Variants in CLCN1 observed in about 807,000 individuals in gnomAD.
The protein encoded by CLCN1 is chloride voltage-gated channel 1.
CLCN1 carries 100 observed loss-of-function variants against 114.5 expected under a neutral mutation model. That is an observed-to-expected ratio of 0.87 (90% CI 0.74 to 1.03). The LOEUF (loss-of-function observed/expected upper bound fraction) is 1.03. Ranked by LOEUF, CLCN1 falls within the 50% of genes least tolerant of loss-of-function variation. The pLI is 0.00. For synonymous variants in CLCN1, 485 were observed against 487.1 expected, an observed-to-expected ratio of 1.00 and a Z score of 0.06; for missense variants, 1,188 against 1,250.0, an observed-to-expected ratio of 0.95 and a Z score of 0.75.
At chr7:143,327,595 A>G (rs1420460025) in intron 7 of CLCN1, among the ~76,000 whole-genome samples, 1 of 152,218 alleles carries the variant, frequency 6.6e-6, no homozygotes, top group Non-Finnish European at 1.5e-5. Flanking sequence ...TGCACTGGAC[A>G]GAGGCAGAAG....
At chr7:143,326,284 T>G (rs1802573849) in intron 7 of CLCN1, among the ~76,000 whole-genome samples, 1 of 104,296 alleles carries the variant, frequency 9.6e-6, no homozygotes, top group African/African-American at 7.6e-5. Context: ...TATTACTTGA[T>G]TTTTAAAAAA....
intron 6 of CLCN1, 104 bp downstream of exon 6, chr7:143,323,490 T>G (rs1033509527): frequency 2.4e-6 from 2 of 844,902 alleles, no homozygotes; most frequent in Non-Finnish European, 4.2e-6. Flanking sequence ...CTGGCTGTGG[T>G]GCTGAAGCAG....
intron 5 of CLCN1, among the ~76,000 whole-genome samples, chr7:143,322,354 C>T (rs892101813): frequency 2.6e-5 from 4 of 152,156 alleles, no homozygotes; most frequent in Non-Finnish European, 4.4e-5. Flanking sequence ...CAAGGTTGCT[C>T]GGTGGGTTGC....
At chr7:143,323,598 C>T (rs1008040815) in intron 6 of CLCN1, 2 of 684,790 alleles carry the variant, frequency 2.9e-6, no homozygotes, top group African/African-American at 1.8e-5. Context: ...CAAATGTCCA[C>T]CCCTCTTTCA....
intron 2 of CLCN1, among the ~76,000 whole-genome samples, chr7:143,320,430 A>T (rs557813932): frequency 2.6e-5 from 4 of 152,278 alleles, no homozygotes; most frequent in Non-Finnish European, 5.9e-5. Flanking sequence ...GGGCCGGAGC[A>T]GCAATCAGCA....
rs773063904 is a variant in CLCN1, at chr7:143,339,236, G to A, written c.1402-17G>A. 9 of 1,560,894 alleles carry A rather than the reference G, an allele frequency of 5.8e-6. No individual in the cohort carries two copies. The highest frequency in any genetic ancestry group is 2.7e-5 in the African/African-American group (2 of 73,468). ...GGCAGAGTTGAAAGGGTATTCCAACGCTTCTTTCTACTCCAGTTCTGGATG... is the reference window on the plus strand; with the variant it reads ...GGCAGAGTTGAAAGGGTATTCCAACACTTCTTTCTACTCCAGTTCTGGATG... On this transcript the variant is annotated splice_polypyrimidine_tract_variant and intron_variant, in intron 12 of 22. Transcript: ENST00000343257. The surrounding 1 kb of genome is among the most constrained non-coding windows in gnomAD (Gnocchi z 4.1).
At chr7:143,331,483 A>G in intron 9 of CLCN1, 68 bp from the exon 10 acceptor site, 1 of 1,221,694 alleles carries the variant, frequency 8.2e-7, no homozygotes, top group Non-Finnish European at 1.2e-6. Context: ...GTTTCCCTGC[A>G]GTAGTTATGT....
chr7:143,328,003 A>T (rs1217341112), intron 7 of CLCN1, among the ~76,000 whole-genome samples: 1 of 152,172 alleles, frequency 6.6e-6, no homozygotes, highest in Non-Finnish European at 1.5e-5. Context: ...GATCTAGGCT[A>T]ACACCCAGAT....
At chr7:143,322,287 C>T (rs1586486570) in intron 5 of CLCN1, among the ~76,000 whole-genome samples, 2 of 152,118 alleles carry the variant, frequency 1.3e-5, no homozygotes, top group African/African-American at 4.8e-5. Flanking sequence ...TCATCCAGAC[C>T]AATTCTCTTG....
At position 143,339,690 on chromosome 7, in the gene CLCN1, C is replaced by A; in HGVS notation, c.1582+69C>A. On this transcript the variant is annotated intron_variant, in intron 14 of 22. Transcript: ENST00000343257. This position sits in a 1 kb window ranked among gnomAD's most constrained non-coding sequence, Gnocchi z 4.1. ...TCAGATCCCCACACTTAAACTCTCC[C>A]ATTGGATCTTCATTCTAGGCTACAC... 3.1e-6 allele frequency: 3 copies of A among 952,758 alleles called. No individual in the cohort carries two copies. Among genetic ancestry groups the A allele is most frequent in the Non-Finnish European group, 5.2e-6 (3 of 580,014 alleles). The allele number at this position is 952,758 out of a possible 1,614,324, so 59.0% of individuals were successfully genotyped here. A position where few individuals can be genotyped will look rare whatever the true frequency, so the allele number is the denominator to read the frequency against.
Position 143,332,982 on chromosome 7 carries a change from A to C in CLCN1, c.1401+109A>C, listed in dbSNP as rs552092639. ...GTAGAACTTCATTTGGTCTTCATCCAACCTAAAAATAAGTCATTTGAAAAC... is the reference window on the plus strand; with the variant it reads ...GTAGAACTTCATTTGGTCTTCATCCCACCTAAAAATAAGTCATTTGAAAAC... On this transcript the variant is annotated intron_variant, in intron 12 of 22. Transcript: ENST00000343257. The C allele has an allele frequency of 1.8e-5, 22 of 1,240,722 alleles. No individual in the cohort carries two copies. The Admixed American group carries it at 3.0e-4, about 17-fold the overall frequency. 76.9% of individuals were successfully genotyped at this position (1,240,722 alleles called of 1,614,324 possible).
At chr7:143,348,939 A>G (rs1021381482) in intron 20 of CLCN1, among the ~76,000 whole-genome samples, 1 of 152,236 alleles carries the variant, frequency 6.6e-6, no homozygotes, top group Admixed American at 6.5e-5. Context: ...AAATGACTTC[A>G]ACATGCTGTG....
chr7:143,322,696 A>AG (rs1802474027), intron 5 of CLCN1, among the ~76,000 whole-genome samples: 1 of 152,128 alleles, frequency 6.6e-6, no homozygotes, highest in Admixed American at 6.5e-5. Flanking sequence ...TAATTTTTGT[A>AG]TTTTTAGTGG....
At chr7:143,327,480 T>A (rs1802607286) in intron 7 of CLCN1, among the ~76,000 whole-genome samples, 1 of 152,132 alleles carries the variant, frequency 6.6e-6, no homozygotes, top group African/African-American at 2.4e-5. Context: ...ACCCAATCCC[T>A]TTGTCAGATG....
Position 143,330,821 on chromosome 7 carries a change from C to T in CLCN1, c.903C>T (p.Asn301=), listed in dbSNP as rs201738127. The change falls in exon 8 of 23, where the codon AAC becomes AAT. Residue 301 remains asparagine, a synonymous_variant. Transcript: ENST00000343257. The stretch of plus-strand genomic sequence containing the variant: ...CCTCCACCTACTTTGCTGTTCGGAA[C>T]TACTGGAGAGGATTCTTTGCAGCCA... ...EVTSTYFAVR[N]YWRGFFAATF... 1.2e-6 allele frequency: 2 copies of T among 1,614,210 alleles called. No homozygotes were observed. The highest frequency in any genetic ancestry group is 1.3e-5 in the African/African-American group (1 of 75,046).
In CLCN1 at chr7:143,321,478, T is replaced by C. The variant is rs1554434814; in HGVS notation, c.547T>C (p.Ser183Pro). The change falls in exon 4 of 23, where the codon TCT becomes CCT. Residue 183 changes from serine (S) to proline (P), a missense_variant. Transcript: ENST00000343257. The surrounding 1 kb of genome is among the most constrained non-coding windows in gnomAD (Gnocchi z 4.2). ...LFSALFCHLI[S>P]PQAVGSGIPE... ...CAGCGCCCTCTTCTGCCACCTCATC[T>C]CTCCCCAGGCTGTTGGTGAGAACTT... 6.2e-7 allele frequency: 1 copy of C among 1,613,752 alleles called. No individual in the cohort carries two copies. The highest frequency in any genetic ancestry group is 8.5e-7 in the Non-Finnish European group (1 of 1,180,002).
chr7:143,323,102 C>T (rs1450980546), intron 5 of CLCN1, among the ~76,000 whole-genome samples: 1 of 152,184 alleles, frequency 6.6e-6, no homozygotes, highest in Non-Finnish European at 1.5e-5. Flanking sequence ...CCCTCCTCCA[C>T]CCTGGCTCTC....
chr7:143,345,678 G>T lies in CLCN1; in HGVS notation c.2088G>T (p.Gly696=). Residue 696 remains glycine, a synonymous_variant, in exon 17 of 23, where the codon GGG becomes GGT. Transcript: ENST00000343257. The stretch of plus-strand genomic sequence containing the variant: ...GGAAGGCGCGGCTGGCTGGGGAGGG[G>T]CTCCCCGGCGCGCCTCCAGGCCGGC... The part of the protein sequence containing the change: ...YDGKARLAGE[G]LPGAPPGRPE... 6.4e-7 allele frequency: 1 copy of T among 1,556,038 alleles called. No homozygotes were observed. The highest frequency in any genetic ancestry group is 8.7e-7 in the Non-Finnish European group (1 of 1,151,318).
At chr7:143,342,272 T>C in intron 15 of CLCN1, 100 bp from the exon 16 acceptor site, 4 of 1,495,222 alleles carry the variant, frequency 2.7e-6, no homozygotes, top group Admixed American at 3.5e-5. Context: ...ATGCACCTAG[T>C]AGATATTGTG....
Sources: gnomAD v4.1 joint callset for allele counts (sites outside exome capture counted in the v4.1 genomes callset) on GRCh38, gnomAD v4.1.1 for gene constraint, Gnocchi (gnomAD v3.1) non-coding constraint, MANE v1.5 for transcripts, NCBI Gene and HGNC (gene_info 2026-07-23, HGNC 2026-07-21) for gene names.